The following DPYSL3 variants were observed in gnomAD, a reference collection of about 807,000 sequenced individuals.
DPYSL3 encodes the protein dihydropyrimidinase like 3, also known as dihydropyrimidinase-related protein 3.
DPYSL3 carries 16 observed loss-of-function variants against 66.1 expected under a neutral mutation model. The ratio of observed to expected loss-of-function variants is 0.24; its 90% CI spans 0.16 to 0.37. The LOEUF (loss-of-function observed/expected upper bound fraction) is 0.37, where lower values mean the gene tolerates loss of function less well. Ranked by LOEUF, DPYSL3 falls within the 10% of genes least tolerant of loss-of-function variation. DPYSL3 has a pLI of 1.00. For missense variants in DPYSL3, 738 were observed against 916.2 expected (o/e 0.81, Z 2.51); for synonymous variants, 338 against 345.1 (o/e 0.98, Z 0.23).
chr5:147,392,783 G>A lies in DPYSL3; in HGVS notation c.*1252C>T, dbSNP rs755819037. On this transcript the variant is annotated 3_prime_UTR_variant, in exon 14 of 14. Transcript: ENST00000343218. Reference sequence around the variant, plus strand: ...GACTGAGACACAAAGTTCCCCCAGAGTTTCTGCTAATGGAAGGGGAAACAG... The same window carrying A: ...GACTGAGACACAAAGTTCCCCCAGAATTTCTGCTAATGGAAGGGGAAACAG... The A allele has an allele frequency of 1.3e-5, 2 of 152,184 alleles. No homozygotes were observed. Among genetic ancestry groups the A allele is most frequent in the Non-Finnish European group, 2.9e-5 (2 of 68,050 alleles). 9.4% of individuals were successfully genotyped at this position (152,184 alleles called of 1,614,324 possible).
chr5:147,485,351 G>C (rs1245898010), intron 1 of DPYSL3, among the ~76,000 whole-genome samples: 1 of 152,160 alleles, frequency 6.6e-6, no homozygotes, highest in Non-Finnish European at 1.5e-5. Flanking sequence ...TTAAGCCAAA[G>C]AGCTGATCAT....
Position 147,397,845 on chromosome 5 carries a change from C to T in DPYSL3, c.1624G>A (p.Ala542Thr). The change falls in exon 12 of 14, where the codon GCG becomes ACG. Residue 542 changes from alanine to threonine, a missense_variant and splice_region_variant. By Grantham distance (58) the Ala-to-Thr change is moderately conservative (BLOSUM62 0). Transcript: ENST00000343218. ...KIVSAKNHQS[A>T]AEYNIFEGME... ...CCTTCAAAGATGTTGTACTCTGCCG[C>T]CTAGAGGCAGGGGTGAGAAGCAAAG... 1 of 1,599,416 alleles carries T rather than the reference C, an allele frequency of 6.3e-7. No homozygotes were observed. The highest frequency in any genetic ancestry group is 8.5e-7 in the Non-Finnish European group (1 of 1,170,066).
intron 1 of DPYSL3, among the ~76,000 whole-genome samples, chr5:147,447,673 C>A (rs952902093): frequency 6.6e-6 from 1 of 152,108 alleles, no homozygotes; most frequent in Non-Finnish European, 1.5e-5. Context: ...GAGTTCGAGA[C>A]CAGCCTGACC....
chr5:147,391,068 C>A lies in DPYSL3; in HGVS notation c.*2967G>T, dbSNP rs1757785568. ...TACAATGAATGCTGGCTGCCCAGGG[C>A]AGCCCATGAGTGTATCTGGGACTCA... On this transcript the variant is annotated 3_prime_UTR_variant, in exon 14 of 14. Coordinates refer to ENST00000343218, the MANE Select transcript of DPYSL3 (RefSeq NM_001197294.2). 1.3e-5 allele frequency: 2 copies of A among 152,616 alleles called. No homozygotes were observed. Among genetic ancestry groups the A allele is most frequent in the Admixed American group, 1.3e-4 (2 of 15,278 alleles). 9.5% of individuals were successfully genotyped at this position (152,616 alleles called of 1,614,324 possible).
chr5:147,421,210 T>A (rs1752070479), intron 2 of DPYSL3, among the ~76,000 whole-genome samples: 1 of 152,178 alleles, frequency 6.6e-6, no homozygotes, highest in Non-Finnish European at 1.5e-5. Flanking sequence ...AGCATTCCTA[T>A]ACACCAGTAA....
rs1581219868 is a variant in DPYSL3, at chr5:147,499,107, A to T, written c.381+10371T>A. On this transcript the variant is annotated intron_variant, in intron 1 of 13. Transcript: ENST00000343218. The stretch of plus-strand genomic sequence containing the variant: ...TTGAGGTAATTTTTTTATATGGTGC[A>T]CCACTGCTTTTCAACATTATTCTGG... Among the ~76,000 whole-genome samples the T allele has an allele frequency of 1.3e-5, 2 of 152,254 alleles. 1 individual carries two copies. The highest frequency in any genetic ancestry group is 1.3e-4 in the Admixed American group (2 of 15,288).
At chr5:147,448,662 T>C (rs73794759) in intron 1 of DPYSL3, among the ~76,000 whole-genome samples, 3,823 of 152,192 alleles carry the variant, frequency 0.025, 154 homozygotes, top group African/African-American at 0.086. Flanking sequence ...AGCAGGAAGG[T>C]TTTTTATTTA....
intron 1 of DPYSL3, among the ~76,000 whole-genome samples, chr5:147,454,677 C>G (rs1460175066): frequency 6.6e-6 from 1 of 152,180 alleles, no homozygotes; most frequent in African/African-American, 2.4e-5. Flanking sequence ...CTATTGCTCC[C>G]CATCAGTAAT....
At chr5:147,497,376 C>A (rs188571787) in intron 1 of DPYSL3, among the ~76,000 whole-genome samples, 3 of 151,754 alleles carry the variant, frequency 2.0e-5, no homozygotes, top group East Asian at 1.9e-4. Context: ...GTCATGCACA[C>A]GTACCCTAAA....
intron 6 of DPYSL3, among the ~76,000 whole-genome samples, chr5:147,410,160 T>C (rs1751819130): frequency 6.6e-6 from 1 of 152,120 alleles, no homozygotes; most frequent in South Asian, 2.1e-4. Flanking sequence ...AGGGTTAAGG[T>C]CTCCAACTAA....
At chr5:147,413,564 T>C in intron 5 of DPYSL3, 32 bp downstream of exon 5, 1 of 1,572,632 alleles carries the variant, frequency 6.4e-7, no homozygotes. Context: ...CCCATCCAGA[T>C]ACCCCAAACC....
At chr5:147,413,846 C>T (rs1373868503) in intron 4 of DPYSL3, among the ~76,000 whole-genome samples, 189 bp from the exon 5 acceptor site, 1 of 152,184 alleles carries the variant, frequency 6.6e-6, no homozygotes, top group African/African-American at 2.4e-5. Flanking sequence ...ATAAAATCAA[C>T]AATTCCTAAC....
intron 1 of DPYSL3, among the ~76,000 whole-genome samples, chr5:147,471,386 G>C (rs1753083695): frequency 6.6e-6 from 1 of 152,166 alleles, no homozygotes; most frequent in South Asian, 2.1e-4. Flanking sequence ...TTGACCCTCT[G>C]AGGCTATATT....
intron 1 of DPYSL3, among the ~76,000 whole-genome samples, chr5:147,492,738 A>G (rs1052808381): frequency 4.6e-5 from 7 of 152,208 alleles, no homozygotes; most frequent in Non-Finnish European, 8.8e-5. Flanking sequence ...TAAAACCACA[A>G]AAAACAGAAA....
intron 1 of DPYSL3, among the ~76,000 whole-genome samples, chr5:147,469,327 T>C (rs1043745900): frequency 6.6e-6 from 1 of 152,228 alleles, no homozygotes; most frequent in Non-Finnish European, 1.5e-5. Flanking sequence ...AGATATATCA[T>C]GGAGCTCAGA....
At position 147,509,738 on chromosome 5, in the gene DPYSL3, C is replaced by A; in HGVS notation, c.121G>T (p.Val41Leu). 6.5e-7 allele frequency: 1 copy of A among 1,536,026 alleles called. No homozygotes were observed. Among genetic ancestry groups the A allele is most frequent in the Non-Finnish European group, 8.7e-7 (1 of 1,146,816 alleles). Residue 41 changes from valine (V) to leucine (L), a missense_variant, in exon 1 of 14, where the codon GTG (valine) becomes TTG (leucine). Physicochemically the swap from Val to Leu is conservative, Grantham distance 32. Coordinates refer to ENST00000343218, the MANE Select transcript of DPYSL3 (RefSeq NM_001197294.2). The surrounding 1 kb of genome is among the most constrained non-coding windows in gnomAD (Gnocchi z 5.3). Reference sequence around the variant, plus strand: ...GTCTTGCTCTCGAAGGCGCCCTCCACGTTGCAGAACATGCCGCCGTATTTC... The same window carrying A: ...GTCTTGCTCTCGAAGGCGCCCTCCAAGTTGCAGAACATGCCGCCGTATTTC... ...RQKYGGMFCNVEGAFESKTLD... is the reference protein window; with the variant it reads ...RQKYGGMFCNLEGAFESKTLD...
intron 3 of DPYSL3, among the ~76,000 whole-genome samples, chr5:147,417,393 C>T (rs1751991379): frequency 6.6e-6 from 1 of 152,202 alleles, no homozygotes; most frequent in Non-Finnish European, 1.5e-5. Context: ...AGCAGGCTTC[C>T]ACCCTTCAGC....
At chr5:147,436,948 A>G (rs1360932350) in intron 1 of DPYSL3, among the ~76,000 whole-genome samples, 1 of 152,266 alleles carries the variant, frequency 6.6e-6, no homozygotes, top group Non-Finnish European at 1.5e-5. Context: ...GTAGCAGGTC[A>G]CTGAAATGGT....
At chr5:147,402,195 T>G (rs1015186278) in intron 8 of DPYSL3, among the ~76,000 whole-genome samples, 2 of 152,200 alleles carry the variant, frequency 1.3e-5, no homozygotes, top group Non-Finnish European at 2.9e-5. Context: ...AATATCGCTT[T>G]CTTTACCTGT....
Sources: allele counts gnomAD v4.1 joint callset (sites outside exome capture counted in the v4.1 genomes callset), GRCh38; gene constraint gnomAD v4.1.1; non-coding constraint Gnocchi (gnomAD v3.1); transcripts MANE v1.5; gene names NCBI Gene and HGNC (gene_info 2026-07-23, HGNC 2026-07-21).